The following ARHGAP15 variants were observed in gnomAD, a reference collection of about 807,000 sequenced individuals.
The protein encoded by ARHGAP15 is rho GTPase-activating protein 15.
ARHGAP15 carries 51 observed loss-of-function variants against 63.7 expected under a neutral mutation model. That is an observed-to-expected ratio of 0.80 (90% CI 0.64 to 1.01). The LOEUF (loss-of-function observed/expected upper bound fraction) is 1.01. Ranked by LOEUF, ARHGAP15 falls within the 50% of genes least tolerant of loss-of-function variation. The pLI is 0.00. For missense variants in ARHGAP15, 560 were observed against 564.6 expected (o/e 0.99, Z 0.08); for synonymous variants, 191 against 193.8 (o/e 0.99, Z 0.12).
chr2:143,689,321 A>G (rs1026006990), intron 12 of ARHGAP15, among the ~76,000 whole-genome samples: 1 of 152,026 alleles, frequency 6.6e-6, no homozygotes, highest in African/African-American at 2.4e-5. Context: ...GTCCTCTCCT[A>G]TGGCTTGCTG....
chr2:143,306,720 G>A (rs1460551833), intron 6 of ARHGAP15, among the ~76,000 whole-genome samples: 3 of 152,134 alleles, frequency 2.0e-5, no homozygotes, highest in East Asian at 1.9e-4. Context: ...CTTCAGTAGC[G>A]GAAGGATTTT....
intron 6 of ARHGAP15, among the ~76,000 whole-genome samples, chr2:143,374,627 T>C (rs535534165): frequency 1.3e-5 from 2 of 152,104 alleles, no homozygotes; most frequent in East Asian, 3.9e-4. Flanking sequence ...CTCAGCCCCC[T>C]AAGTAGCTGT....
intron 6 of ARHGAP15, among the ~76,000 whole-genome samples, chr2:143,395,229 C>T (rs1162664106): frequency 6.6e-6 from 1 of 151,990 alleles, no homozygotes; most frequent in Non-Finnish European, 1.5e-5. Flanking sequence ...GGGAGGGGAG[C>T]ATTTCAGCTT....
chr2:143,464,901 T>C (rs140665113), intron 8 of ARHGAP15, among the ~76,000 whole-genome samples: 1 of 152,286 alleles, frequency 6.6e-6, no homozygotes, highest in East Asian at 1.9e-4. Context: ...TCATCTTATA[T>C]AAGGCAATTA....
chr2:143,250,002 T>C (rs904561670), intron 5 of ARHGAP15, among the ~76,000 whole-genome samples: 3 of 152,132 alleles, frequency 2.0e-5, no homozygotes, highest in African/African-American at 7.2e-5. Context: ...TTAATCCACC[T>C]GCTCAATTTT....
intron 13 of ARHGAP15, among the ~76,000 whole-genome samples, chr2:143,734,402 A>G (rs1230381024): frequency 1.3e-5 from 2 of 152,184 alleles, no homozygotes; most frequent in African/African-American, 4.8e-5. Context: ...CGCTTGTCAA[A>G]TTGCATTTAG....
rs571735012 is a variant in ARHGAP15, at chr2:143,561,491, G to A, written c.1003+5006G>A. Among the ~76,000 whole-genome samples the A allele has an allele frequency of 1.6e-4, 24 of 151,162 alleles. No homozygotes were observed. In the South Asian group the frequency reaches 4.8e-3, roughly 30 times the overall value. On this transcript the variant is annotated intron_variant, in intron 11 of 13. Transcript: ENST00000295095. ...AAAATTACTTCTTACCAGGATTTTA[G>A]ACATGTTTTTCTTTTTTCTTTTTCT...
intron 6 of ARHGAP15, among the ~76,000 whole-genome samples, chr2:143,346,802 A>G (rs908904771): frequency 6.6e-6 from 1 of 152,136 alleles, no homozygotes; most frequent in African/African-American, 2.4e-5. Flanking sequence ...GTACAATTTA[A>G]GAAAACTGAC....
chr2:143,632,346 C>G (rs1559091763), intron 12 of ARHGAP15, among the ~76,000 whole-genome samples: 1 of 151,564 alleles, frequency 6.6e-6, no homozygotes, highest in African/African-American at 2.4e-5. Flanking sequence ...ATATTGTGTT[C>G]ATATATATAT....
intron 9 of ARHGAP15, among the ~76,000 whole-genome samples, chr2:143,511,998 C>A (rs892821619): frequency 7.2e-5 from 11 of 152,176 alleles, no homozygotes; most frequent in African/African-American, 2.7e-4. Context: ...TACATTCTTT[C>A]CACTGTAAAT....
chr2:143,130,274 T>G (rs1463136300), intron 1 of ARHGAP15, among the ~76,000 whole-genome samples: 2 of 152,152 alleles, frequency 1.3e-5, no homozygotes, highest in Non-Finnish European at 2.9e-5. Context: ...TGTAATTTTC[T>G]TTTATATTGA....
chr2:143,273,299 A>G (rs1257772037), intron 6 of ARHGAP15, among the ~76,000 whole-genome samples: 3 of 152,158 alleles, frequency 2.0e-5, no homozygotes, highest in African/African-American at 4.8e-5. Flanking sequence ...ACAAGCTCTA[A>G]TAGGAACTAA....
chr2:143,645,423 T>C (rs1680823963), intron 12 of ARHGAP15, among the ~76,000 whole-genome samples: 1 of 152,104 alleles, frequency 6.6e-6, no homozygotes, highest in African/African-American at 2.4e-5. Context: ...TAATTAATTA[T>C]ACTTTCTTCA....
At chr2:143,286,700 C>G (rs149409200) in intron 6 of ARHGAP15, among the ~76,000 whole-genome samples, 45 of 152,066 alleles carry the variant, frequency 3.0e-4, no homozygotes, top group Non-Finnish European at 4.0e-4. Flanking sequence ...GGAAATGCAT[C>G]GGCAGGAAAT....
At chr2:143,459,258 C>T (rs1690809724) in intron 8 of ARHGAP15, among the ~76,000 whole-genome samples, 2 of 151,814 alleles carry the variant, frequency 1.3e-5, no homozygotes, top group South Asian at 4.2e-4. Context: ...TTTGTTTTTG[C>T]CAGCATCCAA....
intron 8 of ARHGAP15, among the ~76,000 whole-genome samples, chr2:143,443,493 T>C (rs1170581756): frequency 6.6e-6 from 1 of 152,002 alleles, no homozygotes; most frequent in African/African-American, 2.4e-5. Flanking sequence ...CAAAACCCTC[T>C]TGAGAAAAAT....
At chr2:143,253,890 C>G (rs1170520809) in intron 6 of ARHGAP15, among the ~76,000 whole-genome samples, 1 of 152,026 alleles carries the variant, frequency 6.6e-6, no homozygotes, top group Non-Finnish European at 1.5e-5. Flanking sequence ...TATAAAAGAT[C>G]ATACAAATTC....
At chr2:143,468,471 A>C (rs1691346288) in intron 8 of ARHGAP15, among the ~76,000 whole-genome samples, 1 of 152,130 alleles carries the variant, frequency 6.6e-6, no homozygotes, top group African/African-American at 2.4e-5. Context: ...AACCTTTTAG[A>C]AATGGATATT....
intron 1 of ARHGAP15, among the ~76,000 whole-genome samples, chr2:143,151,149 C>A (rs1296641030): frequency 6.6e-6 from 1 of 151,988 alleles, no homozygotes; most frequent in Non-Finnish European, 1.5e-5. Flanking sequence ...CCTGGAAGAA[C>A]AACCACTCCT....
Sources: allele counts gnomAD v4.1 joint callset (sites outside exome capture counted in the v4.1 genomes callset), GRCh38; gene constraint gnomAD v4.1.1; transcripts MANE v1.5; gene names NCBI Gene and HGNC (gene_info 2026-07-23, HGNC 2026-07-21).